KIAA1328: variants seen among roughly 807,000 people sequenced by gnomAD.
KIAA1328 encodes KIAA1328, also known as protein hinderin.
In KIAA1328, 52 loss-of-function variants were observed where a neutral mutation model predicts 68.1. The ratio of observed to expected loss-of-function variants is 0.76; its 90% CI spans 0.61 to 0.96. The LOEUF is 0.96. KIAA1328 is among the 40% of genes least tolerant of loss of function. The probability of loss-of-function intolerance (pLI) is 0.00; values close to 1 mark genes in which losing one functional copy is unlikely to be tolerated. For missense variants in KIAA1328, 641 were observed against 677.6 expected, an observed-to-expected ratio of 0.95 and a Z score of 0.60; for synonymous variants, 232 against 239.4, an observed-to-expected ratio of 0.97 and a Z score of 0.28.
At chr18:36,994,079 A>C (rs1411906002) in intron 6 of KIAA1328, among the ~76,000 whole-genome samples, 3 of 152,136 alleles carry the variant, frequency 2.0e-5, no homozygotes, top group African/African-American at 4.8e-5. Flanking sequence ...TAGACTTAGG[A>C]ATATTTTCCA....
chr18:37,008,590 A>G (rs1160597301), intron 6 of KIAA1328, among the ~76,000 whole-genome samples: 7 of 152,338 alleles, frequency 4.6e-5, no homozygotes, highest in Non-Finnish European at 1.5e-5. Flanking sequence ...GGTCAACCAG[A>G]TTTTAGAATA....
intron 9 of KIAA1328, among the ~76,000 whole-genome samples, chr18:37,198,053 G>A (rs114110937): frequency 9.9e-5 from 15 of 152,220 alleles, no homozygotes; most frequent in African/African-American, 2.6e-4. Context: ...CTACAACATG[G>A]ATAAACCTTG....
chr18:37,100,993 G>A (rs963895335), intron 7 of KIAA1328, among the ~76,000 whole-genome samples: 16 of 152,246 alleles, frequency 1.1e-4, no homozygotes, highest in Admixed American at 7.2e-4. Context: ...CAAACAGAAA[G>A]GACATCCACA....
intron 6 of KIAA1328, among the ~76,000 whole-genome samples, chr18:37,031,507 G>A (rs1305693550): frequency 6.6e-6 from 1 of 151,996 alleles, no homozygotes; most frequent in Non-Finnish European, 1.5e-5. Flanking sequence ...ATTAGTATTT[G>A]TGGAATATGT....
At chr18:36,965,915 CAA>C (rs1355288401) in intron 6 of KIAA1328, among the ~76,000 whole-genome samples, 1 of 136,048 alleles carries the variant, frequency 7.4e-6, no homozygotes, top group African/African-American at 2.7e-5. Context: ...TTCTAATTGA[CAA>C]AAAAAAAAAC....
chr18:37,114,097 C>G (rs749051038), intron 7 of KIAA1328, among the ~76,000 whole-genome samples: 75 of 152,268 alleles, frequency 4.9e-4, no homozygotes, highest in Non-Finnish European at 9.3e-4. Flanking sequence ...TTAGACAGAT[C>G]AACGAGACAG....
chr18:36,968,239 T>C (rs2052024641), intron 6 of KIAA1328, among the ~76,000 whole-genome samples: 9 of 152,078 alleles, frequency 5.9e-5, no homozygotes, highest in Admixed American at 5.9e-4. Flanking sequence ...GCTAACAACA[T>C]GATGACAGGA....
intron 6 of KIAA1328, among the ~76,000 whole-genome samples, chr18:36,964,311 A>T (rs1005279347): frequency 6.6e-6 from 1 of 152,228 alleles, no homozygotes; most frequent in Non-Finnish European, 1.5e-5. Flanking sequence ...CAGATAAAAC[A>T]TAAAATTTTA....
chr18:36,967,546 G>A (rs2051993976), intron 6 of KIAA1328, among the ~76,000 whole-genome samples: 1 of 152,138 alleles, frequency 6.6e-6, no homozygotes, highest in Admixed American at 6.6e-5. Context: ...ACTTGTTTTG[G>A]AAAAATAGAG....
chr18:36,837,173 A>T (rs925931721), intron 3 of KIAA1328, among the ~76,000 whole-genome samples: 1 of 152,004 alleles, frequency 6.6e-6, no homozygotes. Context: ...AAAATTCCAA[A>T]CTGTTTTTTA....
intron 7 of KIAA1328, among the ~76,000 whole-genome samples, chr18:37,159,624 G>A (rs1333484199): frequency 3.3e-5 from 5 of 152,258 alleles, no homozygotes; most frequent in African/African-American, 9.6e-5. Context: ...ATATGTACAT[G>A]TGTTCATTTT....
At chr18:37,081,327 A>G (rs1365665892) in intron 7 of KIAA1328, among the ~76,000 whole-genome samples, 1 of 152,126 alleles carries the variant, frequency 6.6e-6, no homozygotes, top group Non-Finnish European at 1.5e-5. Flanking sequence ...TATCCTGCCT[A>G]CTGCCACCAT....
chr18:36,970,392 G>T (rs2052141108), intron 6 of KIAA1328, among the ~76,000 whole-genome samples: 1 of 152,160 alleles, frequency 6.6e-6, no homozygotes, highest in South Asian at 2.1e-4. Context: ...TTGAAAACGG[G>T]CACAAGATAT....
intron 5 of KIAA1328, among the ~76,000 whole-genome samples, chr18:36,926,315 T>C (rs2050114340): frequency 6.6e-6 from 1 of 152,150 alleles, no homozygotes; most frequent in Non-Finnish European, 1.5e-5. Flanking sequence ...AACTTTGTGT[T>C]ATTAATGGGA....
chr18:36,859,603 C>A (rs1387829994), intron 4 of KIAA1328, among the ~76,000 whole-genome samples: 1 of 144,812 alleles, frequency 6.9e-6, no homozygotes, highest in African/African-American at 2.5e-5. Flanking sequence ...CTCACTCTCT[C>A]TTTCTCTGTT....
At position 36,959,478 on chromosome 18, in the gene KIAA1328, G is replaced by A. The variant is rs759310342; in HGVS notation, c.576+43G>A. On this transcript the variant is annotated intron_variant, in intron 6 of 9. Transcript: ENST00000280020. ...TACTTTTCTTGTCTTCAGTGGATCA[G>A]CAAGATGTCAGAAGAGCCATTTGTT... 4.4e-6 allele frequency: 7 copies of A among 1,578,086 alleles called. No individual in the cohort carries two copies. The East Asian group carries it at 1.4e-4, about 31-fold the overall frequency.
At chr18:36,876,285 C>T (rs1020054107) in intron 4 of KIAA1328, among the ~76,000 whole-genome samples, 8 of 152,136 alleles carry the variant, frequency 5.3e-5, no homozygotes, top group African/African-American at 7.2e-5. Context: ...GGCTGTCAAT[C>T]AGTCTGGTCC....
At position 37,147,887 on chromosome 18, in the gene KIAA1328, A is replaced by G. The variant is rs893146184; in HGVS notation, c.1233-12313A>G. Among the ~76,000 whole-genome samples, 26 of 152,300 alleles carry G rather than the reference A, an allele frequency of 1.7e-4. 1 individual carries two copies. Among genetic ancestry groups the G allele is most frequent in the African/African-American group, 6.0e-4 (25 of 41,566 alleles). ...ATTGTGCAGACATCATAGAGTATAC[A>G]TACACAAACCTAGCCTATTATAGAC... is the stretch of plus-strand genomic sequence containing the variant. On this transcript the variant is annotated intron_variant, in intron 7 of 9. Transcript: ENST00000280020.
At chr18:36,955,993 A>G (rs1475010712) in intron 5 of KIAA1328, 1 of 152,150 alleles carries the variant, frequency 6.6e-6, no homozygotes, top group African/African-American at 2.4e-5. Context: ...AGTATATCCT[A>G]TCTCCGGCCC....
Sources: allele counts gnomAD v4.1 joint callset (sites outside exome capture counted in the v4.1 genomes callset), GRCh38; gene constraint gnomAD v4.1.1; transcripts MANE v1.5; gene names NCBI Gene and HGNC (gene_info 2026-07-23, HGNC 2026-07-21).